Variants in RELCH observed in about 807,000 individuals in gnomAD.
The protein encoded by RELCH is RAB11-binding protein RELCH.
RELCH carries 41 observed loss-of-function variants against 150.3 expected under a neutral mutation model. The ratio of observed to expected loss-of-function variants is 0.27; its 90% CI spans 0.21 to 0.35. RELCH has a LOEUF of 0.35. Ranked by LOEUF, RELCH falls within the 10% of genes least tolerant of loss-of-function variation. The probability of loss-of-function intolerance (pLI) is 1.00; values close to 1 mark genes in which losing one functional copy is unlikely to be tolerated. For synonymous variants in RELCH, 478 were observed against 531.8 expected (o/e 0.90, Z 1.39); for missense variants, 1,092 against 1,467.8 (o/e 0.74, Z 4.18).
At chr18:62,263,957 C>A in intron 16 of RELCH, 32 bp from the exon 17 acceptor site, 1 of 1,582,610 alleles carries the variant, frequency 6.3e-7, no homozygotes, top group East Asian at 2.4e-5. Context: ...TGCCAATTTC[C>A]ATATGATTTA....
intron 1 of RELCH, among the ~76,000 whole-genome samples, chr18:62,208,526 G>A (rs927520463): frequency 6.6e-6 from 1 of 151,880 alleles, no homozygotes; most frequent in African/African-American, 2.4e-5. Flanking sequence ...TTTATTTTAG[G>A]TTCGGGGGTG....
chr18:62,273,316 C>T (rs1258839174), intron 20 of RELCH, among the ~76,000 whole-genome samples: 1 of 151,934 alleles, frequency 6.6e-6, no homozygotes, highest in African/African-American at 2.4e-5. Context: ...TTGAAAAACA[C>T]AGATTATTTT....
intron 26 of RELCH, among the ~76,000 whole-genome samples, chr18:62,290,039 G>A (rs757301308): frequency 1.3e-5 from 2 of 152,170 alleles, no homozygotes; most frequent in Non-Finnish European, 2.9e-5. Context: ...TGTCTATAGG[G>A]ATTTGGTTTG....
At chr18:62,233,677 T>C (rs1029734433) in intron 10 of RELCH, among the ~76,000 whole-genome samples, 2 of 152,004 alleles carry the variant, frequency 1.3e-5, no homozygotes, top group African/African-American at 2.4e-5. Flanking sequence ...TGTTTGAGCT[T>C]CTTTTCCTTT....
intron 2 of RELCH, among the ~76,000 whole-genome samples, chr18:62,216,096 A>G (rs1201071052): frequency 6.6e-6 from 1 of 152,028 alleles, no homozygotes; most frequent in Non-Finnish European, 1.5e-5. Flanking sequence ...TATACAATGT[A>G]CCTCTTCAAT....
intron 10 of RELCH, among the ~76,000 whole-genome samples, chr18:62,233,893 G>A (rs1414535016): frequency 2.0e-5 from 3 of 151,766 alleles, no homozygotes; most frequent in Non-Finnish European, 2.9e-5. Context: ...TGCATCATCA[G>A]TAATCAGATA....
chr18:62,240,073 C>T (rs1384523701), intron 10 of RELCH, among the ~76,000 whole-genome samples: 1 of 151,654 alleles, frequency 6.6e-6, no homozygotes, highest in African/African-American at 2.4e-5. Context: ...AAAATAATGT[C>T]ACATTATATT....
intron 28 of RELCH, among the ~76,000 whole-genome samples, chr18:62,302,281 A>C (rs2145161805): frequency 6.6e-6 from 1 of 152,334 alleles, no homozygotes; most frequent in African/African-American, 2.4e-5. Context: ...GTAGAGAAAC[A>C]CTATAGGCAG....
In RELCH at chr18:62,231,269, G is replaced by A. The variant is rs1250776879; in HGVS notation, c.1524G>A (p.Glu508=). The A allele has an allele frequency of 6.3e-7, 1 of 1,583,188 alleles. No individual in the cohort carries two copies. Among genetic ancestry groups the A allele is most frequent in the Non-Finnish European group, 8.7e-7 (1 of 1,154,266 alleles). Residue 508 remains glutamate (E), a splice_region_variant and synonymous_variant, in exon 9 of 29, where the codon GAG becomes GAA. Transcript: ENST00000644646. ...CAGCAGATAGTCGTTTAGGATACGA[G>A]GTAAATTATACCACCTATTTCCACA... ...RMSADSRLGY[E]VSRIADSEKS... is the part of the protein sequence containing the mutation.
chr18:62,289,373 C>G (rs1015164899), intron 26 of RELCH, among the ~76,000 whole-genome samples: 6 of 152,126 alleles, frequency 3.9e-5, no homozygotes, highest in Non-Finnish European at 8.8e-5. Flanking sequence ...CTCCTTTTAG[C>G]CTACCATCAT....
chr18:62,280,178 C>A (rs1044568247), intron 23 of RELCH: 7 of 604,002 alleles, frequency 1.2e-5, no homozygotes, highest in Non-Finnish European at 1.5e-5. Flanking sequence ...CCTAATCTCA[C>A]TAACAGGTTG....
chr18:62,220,311 A>C (rs1358190878), intron 2 of RELCH, among the ~76,000 whole-genome samples: 3 of 146,932 alleles, frequency 2.0e-5, no homozygotes, highest in African/African-American at 7.8e-5. Flanking sequence ...ATTAAAAGTG[A>C]AACTGTTTCT....
chr18:62,211,941 ATGATTGGTCCAGTAAGGGCCT>A (rs2040197750), intron 2 of RELCH, among the ~76,000 whole-genome samples: 1 of 152,184 alleles, frequency 6.6e-6, no homozygotes, highest in Admixed American at 6.5e-5. Flanking sequence ...AAGAGGGTTA[ATGATTGGTCCAGTAAGGGCCT>A]CCAGGACACT....
chr18:62,190,556 G>A (rs563344521), intron 1 of RELCH, among the ~76,000 whole-genome samples: 2 of 152,208 alleles, frequency 1.3e-5, no homozygotes, highest in Admixed American at 6.5e-5. Context: ...CAGCCTGGGC[G>A]ACAGAGCAAG....
intron 20 of RELCH, among the ~76,000 whole-genome samples, chr18:62,272,124 C>G (rs1467894095): frequency 1.3e-5 from 2 of 152,074 alleles, no homozygotes; most frequent in African/African-American, 4.8e-5. Context: ...TCTAATACTA[C>G]CCTGATATGG....
At chr18:62,215,484 A>G (rs1051259663) in intron 2 of RELCH, among the ~76,000 whole-genome samples, 7 of 152,076 alleles carry the variant, frequency 4.6e-5, no homozygotes, top group Non-Finnish European at 1.0e-4. Context: ...CCTAGATTTA[A>G]AAGTCTGGTT....
chr18:62,258,705 G>A (rs3752093), intron 15 of RELCH, 29 bp downstream of exon 15: 126,103 of 1,496,464 alleles, frequency 0.084, 6,273 homozygotes, highest in Middle Eastern at 0.18. Flanking sequence ...TATATAGTTT[G>A]TAGAAACTTA....
rs2043400490 is a variant in RELCH, at chr18:62,263,806, C to T, written c.2351-183C>T. ...AGATTTGTTGGATTTGTTCTCATAT[C>T]ACAGGAATTTCTTGATTTTCCTAAA... On this transcript the variant is annotated intron_variant, in intron 16 of 28. Transcript: ENST00000644646. 2.0e-5 allele frequency among the ~76,000 whole-genome samples: 3 copies of T among 152,056 alleles called. No homozygotes were observed. The South Asian group carries it at 6.2e-4, about 32-fold the overall frequency.
chr18:62,221,243 G>A lies in RELCH; in HGVS notation c.713G>A (p.Arg238Gln), dbSNP rs765723144. 8.5e-5 allele frequency: 137 copies of A among 1,610,862 alleles called. 1 individual carries two copies. The highest frequency in any genetic ancestry group is 1.1e-4 in the Non-Finnish European group (132 of 1,177,916). ...GAACATGAAGTTCCTTTACAGGAAC[G>A]AAAAAATTACAAATCAAGTCCTGAA... ...AAEHEVPLQE[R>Q]KNYKSSPEIQ... Residue 238 changes from arginine to glutamine, a missense_variant, in exon 4 of 29, where the codon CGA becomes CAA. By Grantham distance (43) the Arg-to-Gln change is conservative (BLOSUM62 1). Around this residue, in one of 4 missense-constraint regions of RELCH, gnomAD observed 190 missense variants for 276.2 expected, o/e 0.69. Coordinates refer to ENST00000644646, the MANE Select transcript of RELCH (RefSeq NM_001346231.2).
Sources: gnomAD v4.1 joint callset for allele counts (sites outside exome capture counted in the v4.1 genomes callset) on GRCh38, gnomAD v4.1.1 for gene constraint, gnomAD v4.1.1 regional missense constraint, MANE v1.5 for transcripts, NCBI Gene and HGNC (gene_info 2026-07-23, HGNC 2026-07-21) for gene names.